RAB38: variants seen among roughly 807,000 people sequenced by gnomAD.
RAB38 encodes the protein RAB38, member RAS oncogene family.
Under a neutral mutation model 18.4 loss-of-function variants are expected in RAB38, and 15 were observed. The ratio of observed to expected loss-of-function variants is 0.82; its 90% CI spans 0.55 to 1.26. RAB38 has a LOEUF of 1.26. Among genes scored for constraint, RAB38 ranks in the 50% most tolerant of loss-of-function variants. RAB38 has a pLI of 0.00. For synonymous variants in RAB38, 101 were observed against 104.4 expected (o/e 0.97, Z 0.20); for missense variants, 294 against 267.4 (o/e 1.10, Z -0.69).
the RAB38 span, among the ~76,000 whole-genome samples, chr11:87,867,278 T>C: frequency 1.3e-5 from 2 of 151,758 alleles, no homozygotes; most frequent in Middle Eastern, 3.2e-3. Flanking sequence ...CAAATTGTTA[T>C]TTCATCTTTA....
chr11:87,822,010 C>T, the RAB38 span, among the ~76,000 whole-genome samples: 3 of 151,770 alleles, frequency 2.0e-5, no homozygotes, highest in Non-Finnish European at 4.4e-5. Context: ...TAATTTTAAA[C>T]TTTGAGAAGT....
the RAB38 span, among the ~76,000 whole-genome samples, chr11:87,808,782 C>A: frequency 1.1e-4 from 17 of 151,700 alleles, no homozygotes; most frequent in African/African-American, 3.6e-4. Flanking sequence ...TAAATACATA[C>A]AATTTTGTCT....
At chr11:88,062,233 T>A in the RAB38 span, 2 of 152,052 alleles carry the variant, frequency 1.3e-5, no homozygotes, top group Non-Finnish European at 2.9e-5. Context: ...GTTTCCCCCA[T>A]GCTATTCTCA....
the RAB38 span, among the ~76,000 whole-genome samples, chr11:88,083,366 T>G: frequency 6.6e-6 from 1 of 151,926 alleles, no homozygotes. Flanking sequence ...ATAGAACATT[T>G]TAACATCTCT....
the RAB38 span, among the ~76,000 whole-genome samples, chr11:88,059,131 T>C: frequency 6.6e-6 from 1 of 151,764 alleles, no homozygotes. Flanking sequence ...CTGTAGAATG[T>C]GGATAACAAC....
the RAB38 span, among the ~76,000 whole-genome samples, chr11:87,852,141 A>G: frequency 6.6e-6 from 1 of 152,126 alleles, no homozygotes; most frequent in Non-Finnish European, 1.5e-5. Flanking sequence ...TTTAGAGACA[A>G]GGATATTCCT....
the RAB38 span, among the ~76,000 whole-genome samples, chr11:87,941,010 A>G: frequency 3.3e-5 from 5 of 151,694 alleles, no homozygotes; most frequent in East Asian, 9.7e-4. Context: ...ATATTTCTTT[A>G]GTACCTGTTT....
Position 88,129,135 on chromosome 11 carries a change from A to G in RAB38, c.484-14995T>C, listed in dbSNP as rs113911190. Among the ~76,000 whole-genome samples the G allele has an allele frequency of 5.0e-4, 76 of 152,296 alleles. 1 individual carries two copies. Among genetic ancestry groups the G allele is most frequent in the African/African-American group, 1.6e-3 (67 of 41,570 alleles). ...TTTCCGTAAACTTACACATTACCCA[A>G]CAGATCAAATCTAGTGGCACCTGAG... is the stretch of plus-strand genomic sequence containing the variant. On this transcript the variant is annotated intron_variant, in intron 2 of 2. Coordinates refer to ENST00000243662, the MANE Select transcript of RAB38 (RefSeq NM_022337.3).
chr11:87,858,745 C>G, the RAB38 span, among the ~76,000 whole-genome samples: 6 of 151,634 alleles, frequency 4.0e-5, no homozygotes, highest in South Asian at 1.3e-3. Flanking sequence ...GTAACAATGG[C>G]ATAGGAAGAA....
At chr11:88,100,028 A>G in the RAB38 span, 1 of 151,764 alleles carries the variant, frequency 6.6e-6, no homozygotes, top group African/African-American at 2.4e-5. Context: ...ATCTTAACTG[A>G]TTGTTCACAG....
At chr11:88,010,542 T>C in the RAB38 span, among the ~76,000 whole-genome samples, 1 of 152,196 alleles carries the variant, frequency 6.6e-6, no homozygotes, top group Non-Finnish European at 1.5e-5. Flanking sequence ...ACATTCATGA[T>C]ATAAGATGGA....
At chr11:88,127,054 A>G (rs569532909) in intron 2 of RAB38, among the ~76,000 whole-genome samples, 9 of 152,328 alleles carry the variant, frequency 5.9e-5, no homozygotes, top group African/African-American at 2.2e-4. Flanking sequence ...TCATAGGATG[A>G]TATGGGAGAA....
At chr11:88,112,522 G>GTTT (rs1311265576), downstream of RAB38, among the ~76,000 whole-genome samples, 1 of 152,154 alleles carries the variant, frequency 6.6e-6, no homozygotes, top group African/African-American at 2.4e-5. Flanking sequence ...AGTTGTAAGA[G>GTTT]GCCAAGCTGA....
the RAB38 span, among the ~76,000 whole-genome samples, chr11:87,938,516 T>A: frequency 4.9e-3 from 742 of 151,826 alleles, 6 homozygotes; most frequent in African/African-American, 0.017. Context: ...CTGCTATGCG[T>A]AGGGGAGAGG....
At chr11:87,867,766 AATTGAATTACC>A in the RAB38 span, among the ~76,000 whole-genome samples, 1 of 151,676 alleles carries the variant, frequency 6.6e-6, no homozygotes, top group Non-Finnish European at 1.5e-5. Context: ...TGTATCAATT[AATTGAATTACC>A]ATGGACTCTT....
the RAB38 span, chr11:87,879,960 T>A: frequency 6.6e-6 from 1 of 151,722 alleles, no homozygotes; most frequent in African/African-American, 2.4e-5. Flanking sequence ...CATCTTCATT[T>A]AATGGTTCAT....
chr11:88,070,566 T>C, the RAB38 span, among the ~76,000 whole-genome samples: 1 of 152,328 alleles, frequency 6.6e-6, no homozygotes, highest in Non-Finnish European at 1.5e-5. Flanking sequence ...TGGCAGGAAA[T>C]GTTTCCTACG....
chr11:87,816,706 A>G, the RAB38 span, among the ~76,000 whole-genome samples: 5 of 152,106 alleles, frequency 3.3e-5, no homozygotes, highest in African/African-American at 9.7e-5. Flanking sequence ...GTATAGAGAG[A>G]GAAAGAGAGA....
At chr11:88,113,166 A>G (rs1259219826), downstream of RAB38, 1 of 151,646 alleles carries the variant, frequency 6.6e-6, no homozygotes, top group African/African-American at 2.4e-5. Context: ...AATTTTAGAA[A>G]TGGATCTTGA....
Sources: allele counts gnomAD v4.1 joint callset (sites outside exome capture counted in the v4.1 genomes callset), GRCh38; gene constraint gnomAD v4.1.1; transcripts MANE v1.5; gene names NCBI Gene and HGNC (gene_info 2026-07-23, HGNC 2026-07-21).